FGF12: variants seen among roughly 807,000 people sequenced by gnomAD.
The protein encoded by FGF12 is fibroblast growth factor 12.
Under a neutral mutation model 23.6 loss-of-function variants are expected in FGF12, and 14 were observed. That is an observed-to-expected ratio of 0.59 (90% CI 0.39 to 0.93). The LOEUF (loss-of-function observed/expected upper bound fraction) is 0.93. FGF12 is among the 40% of genes least tolerant of loss of function. The pLI, the probability that FGF12 is intolerant of heterozygous loss-of-function variation, is 0.00. For missense variants in FGF12, 175 were observed against 217.8 expected (o/e 0.80, Z 1.24); for synonymous variants, 62 against 77.3 (o/e 0.80, Z 1.04).
At chr3:192,367,122 C>A (rs1405767915) in intron 2 of FGF12, among the ~76,000 whole-genome samples, 1 of 152,140 alleles carries the variant, frequency 6.6e-6, no homozygotes, top group Non-Finnish European at 1.5e-5. Context: ...ACCCTGATGT[C>A]CTGGAAAGCT....
At chr3:192,589,475 G>C (rs1406941943) in intron 2 of FGF12, among the ~76,000 whole-genome samples, 1 of 151,808 alleles carries the variant, frequency 6.6e-6, no homozygotes, top group Non-Finnish European at 1.5e-5. Context: ...ACAATGTTTT[G>C]GAATGGAAAA....
intron 2 of FGF12, among the ~76,000 whole-genome samples, chr3:192,545,202 G>A (rs536626195): frequency 6.6e-6 from 1 of 152,202 alleles, no homozygotes; most frequent in African/African-American, 2.4e-5. Flanking sequence ...CTTTATGTAG[G>A]TACCAACCGA....
At position 192,374,054 on chromosome 3, in the gene FGF12, G is replaced by T. The variant is rs573589524; in HGVS notation, c.14-13516C>A. On this transcript the variant is annotated intron_variant, in intron 2 of 5. Transcript: ENST00000445105. ...GACACATTGTATTAAGAAAAGGCATGATTTGTCAACAAATAATTTTTAAAG... is the reference window on the plus strand; with the variant it reads ...GACACATTGTATTAAGAAAAGGCATTATTTGTCAACAAATAATTTTTAAAG... Among the ~76,000 whole-genome samples, 10 of 152,334 alleles carry T rather than the reference G, an allele frequency of 6.6e-5. No individual in the cohort carries two copies. The East Asian group carries it at 1.9e-3, about 29-fold the overall frequency.
At chr3:192,169,846 A>AC (rs1715445044) in intron 5 of FGF12, among the ~76,000 whole-genome samples, 2 of 150,856 alleles carry the variant, frequency 1.3e-5, no homozygotes, top group African/African-American at 4.9e-5. Context: ...AAAAAAAAAA[A>AC]CAAAAAAGTT....
intron 2 of FGF12, among the ~76,000 whole-genome samples, chr3:192,480,249 T>G (rs913778032): frequency 5.9e-5 from 9 of 152,178 alleles, no homozygotes; most frequent in African/African-American, 2.2e-4. Context: ...CAAAGGAACC[T>G]TACCATTCTT....
chr3:192,346,897 C>T (rs1316616781), intron 3 of FGF12, among the ~76,000 whole-genome samples: 1 of 152,062 alleles, frequency 6.6e-6, no homozygotes, highest in Non-Finnish European at 1.5e-5. Context: ...CGATGATTTG[C>T]ACCGTACTTT....
intron 2 of FGF12, among the ~76,000 whole-genome samples, chr3:192,591,069 T>C (rs1394517723): frequency 6.6e-6 from 1 of 151,594 alleles, no homozygotes; most frequent in African/African-American, 2.4e-5. Context: ...TCTATTCATA[T>C]GCTTTGCTAT....
intron 4 of FGF12, among the ~76,000 whole-genome samples, chr3:192,313,577 C>G (rs2108675217): frequency 6.6e-6 from 1 of 152,306 alleles, no homozygotes; most frequent in East Asian, 1.9e-4. Context: ...GCTTCTGTTT[C>G]CAAATCCCAG....
chr3:192,442,379 T>C (rs1722224847), intron 2 of FGF12, among the ~76,000 whole-genome samples: 1 of 152,200 alleles, frequency 6.6e-6, no homozygotes, highest in African/African-American at 2.4e-5. Context: ...TGATTATTAA[T>C]TGAATAAATG....
chr3:192,275,616 A>G (rs1341931555), intron 4 of FGF12, among the ~76,000 whole-genome samples: 1 of 152,250 alleles, frequency 6.6e-6, no homozygotes, highest in Non-Finnish European at 1.5e-5. Flanking sequence ...AACTAAAAAG[A>G]TTGGTAGAAA....
intron 2 of FGF12, among the ~76,000 whole-genome samples, chr3:192,527,309 T>G (rs375522034): frequency 2.9e-4 from 44 of 152,348 alleles, no homozygotes; most frequent in African/African-American, 9.9e-4. Context: ...TGATATTCTG[T>G]TATAACAACA....
intron 2 of FGF12, among the ~76,000 whole-genome samples, chr3:192,391,462 G>T (rs1720291300): frequency 6.6e-6 from 1 of 152,174 alleles, no homozygotes; most frequent in Non-Finnish European, 1.5e-5. Context: ...ATTATAAACA[G>T]CAGTTGCAAG....
At chr3:192,472,519 G>A (rs987832685) in intron 2 of FGF12, among the ~76,000 whole-genome samples, 1 of 151,878 alleles carries the variant, frequency 6.6e-6, no homozygotes, top group African/African-American at 2.4e-5. Context: ...TCTGATTTCT[G>A]TCTTCTGCTA....
chr3:192,432,512 G>A (rs1402972741), intron 2 of FGF12, among the ~76,000 whole-genome samples: 2 of 151,540 alleles, frequency 1.3e-5, no homozygotes, highest in Non-Finnish European at 2.9e-5. Flanking sequence ...AGATCAGAGA[G>A]AGAGTCCTAA....
Position 192,579,838 on chromosome 3 carries a change from C to T in FGF12, c.13+147343G>A, listed in dbSNP as rs1039425405. Among the ~76,000 whole-genome samples the T allele has an allele frequency of 2.0e-5, 3 of 152,288 alleles. No homozygotes were observed. In the East Asian group the frequency reaches 5.8e-4, roughly 29 times the overall value. The stretch of plus-strand genomic sequence containing the variant: ...GATCATCTCGGCCTCCCCAAATGCT[C>T]AGATTACAGGTGTGAGCCACTGCAC... On this transcript the variant is annotated intron_variant, in intron 2 of 5. Transcript: ENST00000445105.
At chr3:192,647,700 T>A (rs1432701414) in intron 2 of FGF12, among the ~76,000 whole-genome samples, 2 of 147,546 alleles carry the variant, frequency 1.4e-5, no homozygotes, top group African/African-American at 5.0e-5. Flanking sequence ...TATGTATATA[T>A]GTGTATATAT....
chr3:192,701,088 C>T (rs1279000028), intron 2 of FGF12, among the ~76,000 whole-genome samples: 2 of 152,158 alleles, frequency 1.3e-5, no homozygotes, highest in African/African-American at 4.8e-5. Context: ...TGCCTGGTAC[C>T]TGGAGGTTTC....
intron 4 of FGF12, among the ~76,000 whole-genome samples, chr3:192,189,925 T>C (rs1577218474): frequency 8.2e-6 from 1 of 121,528 alleles, no homozygotes. Context: ...TTAAGGACTT[T>C]TGTGTTTGAC....
intron 4 of FGF12, among the ~76,000 whole-genome samples, chr3:192,256,565 A>T (rs1371297261): frequency 1.3e-5 from 2 of 152,128 alleles, no homozygotes; most frequent in Middle Eastern, 3.2e-3. Flanking sequence ...TTGGTATGGC[A>T]TATGCCATAT....
Sources: allele counts gnomAD v4.1 joint callset (sites outside exome capture counted in the v4.1 genomes callset), GRCh38; gene constraint gnomAD v4.1.1; transcripts MANE v1.5; gene names NCBI Gene and HGNC (gene_info 2026-07-23, HGNC 2026-07-21).